DPP6: variants seen among roughly 807,000 people sequenced by gnomAD.
DPP6 encodes dipeptidyl peptidase like 6, also known as A-type potassium channel modulatory protein DPP6.
In DPP6, 69 loss-of-function variants were observed where a neutral mutation model predicts 122.6. That is an observed-to-expected ratio of 0.56 (90% CI 0.46 to 0.69). The LOEUF (loss-of-function observed/expected upper bound fraction) is 0.69. Among genes scored for constraint, DPP6 ranks in the 30% least tolerant of loss-of-function variants. DPP6 has a pLI of 0.00. For synonymous variants in DPP6, 418 were observed against 433.1 expected (o/e 0.97, Z 0.43); for missense variants, 928 against 1,116.9 (o/e 0.83, Z 2.41).
intron 1 of DPP6, among the ~76,000 whole-genome samples, chr7:153,928,395 C>CCTTTTTTTTTTTTTTTTT (rs1467865041): frequency 3.3e-5 from 1 of 29,994 alleles, no homozygotes; most frequent in Non-Finnish European, 6.5e-5. Context: ...TCTTTTCTTT[C>CCTTTTTTTTTTTTTTTTT]ATTTTTTTTT....
In DPP6 at chr7:154,239,992, TAAAAAAAAAAAAAAAAAAAAAAA is replaced by T. The variant is rs763543397; in HGVS notation, c.243+186953_243+186975del. ...GGGAGACAGAGTAAGATGCTGTCTT[TAAAAAAAAAAAAAAAAAAAAAAA>T]AAAAAAAAAAAAAAAAAAAAAAAGT... On this transcript the variant is annotated intron_variant, in intron 1 of 25. Transcript: ENST00000377770. 3.6e-4 allele frequency among the ~76,000 whole-genome samples: 18 copies of T among 50,426 alleles called. No individual in the cohort carries two copies. In the South Asian group the frequency reaches 5.6e-3, roughly 16 times the overall value. The allele number at this position is 50,426 out of a possible 152,430, so 33.1% of individuals were successfully genotyped here.
chr7:153,942,418 A>G (rs1801738495), intron 1 of DPP6, among the ~76,000 whole-genome samples: 1 of 152,224 alleles, frequency 6.6e-6, no homozygotes, highest in Non-Finnish European at 1.5e-5. Flanking sequence ...TCCCTGTGAG[A>G]TCTTGAGGGT....
At chr7:154,859,545 TC>T (rs1803158162) in intron 17 of DPP6, among the ~76,000 whole-genome samples, 1 of 152,176 alleles carries the variant, frequency 6.6e-6, no homozygotes, top group African/African-American at 2.4e-5. Context: ...TCCTTTCCCC[TC>T]CTCTCCCCCA....
At chr7:154,536,547 G>T (rs1471132914) in intron 3 of DPP6, among the ~76,000 whole-genome samples, 2 of 152,150 alleles carry the variant, frequency 1.3e-5, no homozygotes, top group Middle Eastern at 3.2e-3. Flanking sequence ...TTTCCCAGGA[G>T]AATTCTTTAC....
intron 10 of DPP6, among the ~76,000 whole-genome samples, chr7:154,784,692 G>A (rs950903759): frequency 3.3e-5 from 5 of 152,082 alleles, no homozygotes; most frequent in African/African-American, 1.2e-4. Flanking sequence ...TCAGGCAGGG[G>A]TGACTCTGGA....
At chr7:154,464,040 GC>G (rs1217724195) in intron 2 of DPP6, among the ~76,000 whole-genome samples, 1 of 152,182 alleles carries the variant, frequency 6.6e-6, no homozygotes, top group Non-Finnish European at 1.5e-5. Flanking sequence ...CGCAGGAATT[GC>G]AGTTCTTGCG....
chr7:154,465,805 C>T (rs1180277210), intron 2 of DPP6, among the ~76,000 whole-genome samples: 2 of 152,162 alleles, frequency 1.3e-5, no homozygotes, highest in African/African-American at 4.8e-5. Flanking sequence ...GTGTTGATTC[C>T]TCAAGGATCT....
intron 5 of DPP6, among the ~76,000 whole-genome samples, chr7:154,595,198 C>T (rs1833022560): frequency 2.0e-5 from 3 of 152,122 alleles, no homozygotes; most frequent in South Asian, 4.1e-4. Flanking sequence ...TCCCCTTCTC[C>T]GTTGCCATCT....
chr7:154,303,403 T>C (rs1044884040), intron 1 of DPP6, among the ~76,000 whole-genome samples: 2 of 152,074 alleles, frequency 1.3e-5, no homozygotes, highest in African/African-American at 4.8e-5. Context: ...TTGGTGACCT[T>C]ACACCGCAGT....
chr7:154,783,333 C>A (rs756120268), intron 10 of DPP6, among the ~76,000 whole-genome samples: 3 of 152,160 alleles, frequency 2.0e-5, no homozygotes, highest in Non-Finnish European at 2.9e-5. Flanking sequence ...GGTCTTCTCT[C>A]GTCTCTGCCC....
At chr7:153,887,779 C>T (rs1375531921) in intron 1 of DPP6, 52 of 1,600,942 alleles carry the variant, frequency 3.2e-5, no homozygotes, top group Non-Finnish European at 4.3e-5. Flanking sequence ...GGGGACCCAC[C>T]GTGAGGAGCG....
chr7:153,905,177 T>C (rs1450048321), intron 1 of DPP6, among the ~76,000 whole-genome samples: 2 of 152,202 alleles, frequency 1.3e-5, no homozygotes, highest in African/African-American at 2.4e-5. Context: ...GATTTCGTTA[T>C]GGTCAGTTTT....
intron 1 of DPP6, among the ~76,000 whole-genome samples, chr7:154,283,514 AATATCCG>A (rs1190465307): frequency 1.1e-4 from 16 of 152,196 alleles, no homozygotes; most frequent in African/African-American, 3.9e-4. Flanking sequence ...AAGGCTAAGC[AATATCCG>A]AGGCTCATGG....
intron 1 of DPP6, among the ~76,000 whole-genome samples, chr7:154,430,415 C>T (rs74596429): frequency 2.4e-4 from 36 of 152,290 alleles, no homozygotes; most frequent in African/African-American, 8.4e-4. Context: ...AGTCAGTGTG[C>T]TGGCGTGGTC....
intron 1 of DPP6, among the ~76,000 whole-genome samples, chr7:154,326,510 CCA>C (rs1808459424): frequency 2.6e-5 from 4 of 152,140 alleles, no homozygotes; most frequent in Admixed American, 2.6e-4. Flanking sequence ...ACTCTACCTG[CCA>C]CCAGTGGACT....
At chr7:154,104,797 G>A (rs1196821157) in intron 1 of DPP6, among the ~76,000 whole-genome samples, 1 of 151,778 alleles carries the variant, frequency 6.6e-6, no homozygotes, top group Non-Finnish European at 1.5e-5. Context: ...ACACCTCTAT[G>A]TGTGTGCTTA....
At chr7:154,432,045 A>T (rs1235325975) in intron 1 of DPP6, among the ~76,000 whole-genome samples, 1 of 152,084 alleles carries the variant, frequency 6.6e-6, no homozygotes, top group East Asian at 1.9e-4. Context: ...GGAAGAAAAA[A>T]TGGGGGTAAC....
chr7:154,680,654 A>G (rs1839219463), intron 7 of DPP6, among the ~76,000 whole-genome samples: 1 of 151,628 alleles, frequency 6.6e-6, no homozygotes, highest in Non-Finnish European at 1.5e-5. Flanking sequence ...CCCCTTCTAA[A>G]ACTTTCTTGG....
At chr7:154,772,243 C>G (rs1163216705) in intron 9 of DPP6, among the ~76,000 whole-genome samples, 1 of 152,228 alleles carries the variant, frequency 6.6e-6, no homozygotes, top group Non-Finnish European at 1.5e-5. Flanking sequence ...GCCTGCCTGA[C>G]ATGCCCTGTC....
Sources: gnomAD v4.1 joint callset for allele counts (sites outside exome capture counted in the v4.1 genomes callset) on GRCh38, gnomAD v4.1.1 for gene constraint, MANE v1.5 for transcripts, NCBI Gene and HGNC (gene_info 2026-07-23, HGNC 2026-07-21) for gene names.